Variants in CECR2 observed in about 807,000 individuals in gnomAD.
CECR2 encodes the protein CECR2 histone acetyl-lysine reader.
Under a neutral mutation model 154.5 loss-of-function variants are expected in CECR2, and 30 were observed. The ratio of observed to expected loss-of-function variants is 0.19; its 90% CI spans 0.15 to 0.26. CECR2 has a LOEUF of 0.26. CECR2 is among the 10% of genes least tolerant of loss of function. The probability of loss-of-function intolerance (pLI) is 1.00; values close to 1 mark genes in which losing one functional copy is unlikely to be tolerated. For missense variants in CECR2, 1,743 were observed against 1,829.3 expected (o/e 0.95, Z 0.86); for synonymous variants, 725 against 683.7 (o/e 1.06, Z -0.94).
chr22:17,504,046 C>CTATATAAA (rs1555920635), intron 6 of CECR2, among the ~76,000 whole-genome samples: 1 of 136,520 alleles, frequency 7.3e-6, no homozygotes, highest in Non-Finnish European at 1.6e-5. Flanking sequence ...GACTCTGCCT[C>CTATATAAA]TAAATAAATA....
chr22:17,443,602 C>G (rs942283163), intron 1 of CECR2, among the ~76,000 whole-genome samples: 3 of 152,188 alleles, frequency 2.0e-5, no homozygotes, highest in Admixed American at 6.5e-5. Flanking sequence ...TTAGCAGCTT[C>G]AGTTGTCTGA....
intron 16 of CECR2, 128 bp downstream of exon 16, chr22:17,543,131 T>G: frequency 8.7e-7 from 1 of 1,150,618 alleles, no homozygotes; most frequent in South Asian, 1.7e-5. Context: ...TGGTTTTGTT[T>G]TGTTCTGTTT....
At chr22:17,452,077 A>G (rs951795818) in intron 1 of CECR2, among the ~76,000 whole-genome samples, 1 of 151,954 alleles carries the variant, frequency 6.6e-6, no homozygotes, top group African/African-American at 2.4e-5. Context: ...TGTTATTTTT[A>G]TTTATTTATT....
intron 1 of CECR2, among the ~76,000 whole-genome samples, chr22:17,467,155 T>TCTTTTAAGCTTTTAAG: frequency 6.6e-6 from 1 of 152,340 alleles, no homozygotes; most frequent in East Asian, 1.9e-4. Context: ...AGTGTGATAA[T>TCTTTTAAGCTTTTAAG]CTTTTAAGCT....
intron 1 of CECR2, among the ~76,000 whole-genome samples, chr22:17,413,779 C>T (rs969512974): frequency 1.3e-5 from 2 of 151,308 alleles, no homozygotes; most frequent in Admixed American, 6.6e-5. Context: ...CATGTTCACG[C>T]CATTCTCCTG....
Position 17,481,081 on chromosome 22 carries a change from C to T in CECR2, c.221+3399C>T, listed in dbSNP as rs566894048. On this transcript the variant is annotated intron_variant, in intron 2 of 18. Coordinates refer to ENST00000262608, the MANE Select transcript of CECR2 (RefSeq NM_001290047.2). ...AAAAAAGGCCGGGCACGGTGCCTCA[C>T]GCCTGTAATCCCAGCACTTTGGGAG... 1.1e-4 allele frequency among the ~76,000 whole-genome samples: 14 copies of T among 127,182 alleles called. No homozygotes were observed. In the South Asian group the frequency reaches 1.7e-3, roughly 16 times the overall value. 83.4% of individuals were successfully genotyped at this position (127,182 alleles called of 152,430 possible). A position where few individuals can be genotyped will look rare whatever the true frequency, so the allele number is the denominator to read the frequency against.
rs2056553613 is a variant in CECR2, at chr22:17,542,926, C to T, written c.2783C>T (p.Ser928Leu). The T allele has an allele frequency of 1.2e-6, 2 of 1,613,962 alleles. No homozygotes were observed. The highest frequency in any genetic ancestry group is 1.7e-6 in the Non-Finnish European group (2 of 1,179,862). ...QVAHPMSVTV[S>L]APKPALGNPG... The stretch of plus-strand genomic sequence containing the variant: ...GCTCACCCAATGTCAGTCACTGTGT[C>T]AGCCCCCAAGCCTGCCCTGGGCAAC... Residue 928 changes from serine (S) to leucine (L), a missense_variant, in exon 16 of 19, where the codon TCA becomes TTA. Transcript: ENST00000262608.
In CECR2 at chr22:17,549,491, G is replaced by A; in HGVS notation, c.4204G>A (p.Ala1402Thr). ...CQEEGLGHFQ[A>T]VMMEQIGTRS... The stretch of plus-strand genomic sequence containing the variant: ...GGAAGAAGGCCTGGGTCACTTTCAA[G>A]CTGTGATGATGGAACAAATTGGCAC... Residue 1402 changes from alanine (A) to threonine (T), a missense_variant, in exon 17 of 19, where the codon GCT becomes ACT. By Grantham distance (58) the Ala-to-Thr change is moderately conservative. Around this residue, in one of 4 missense-constraint regions of CECR2, gnomAD observed 1,250 missense variants for 1,192.1 expected, o/e 1.05. Coordinates refer to ENST00000262608, the MANE Select transcript of CECR2 (RefSeq NM_001290047.2). The A allele has an allele frequency of 1.2e-6, 2 of 1,609,408 alleles. No individual in the cohort carries two copies. The highest frequency in any genetic ancestry group is 1.7e-6 in the Non-Finnish European group (2 of 1,177,800).
At position 17,462,542 on chromosome 22, in the gene CECR2, T is replaced by C. The variant is rs903300331; in HGVS notation, c.127-15046T>C. 2.9e-3 allele frequency among the ~76,000 whole-genome samples: 441 copies of C among 152,240 alleles called. 4 individuals are homozygous for C. Among genetic ancestry groups the C allele is most frequent in the Non-Finnish European group, 3.5e-3 (237 of 68,002 alleles). ...TGTCAGAATTGAATTTAAGCAAATT[T>C]AATTGGGCAGAGGTTTAGTCTGTAT... On this transcript the variant is annotated intron_variant, in intron 1 of 18. Coordinates refer to ENST00000262608, the MANE Select transcript of CECR2 (RefSeq NM_001290047.2).
intron 13 of CECR2, among the ~76,000 whole-genome samples, 184 bp from the exon 14 acceptor site, chr22:17,540,228 G>A (rs1176946121): frequency 1.3e-5 from 2 of 150,954 alleles, no homozygotes; most frequent in African/African-American, 4.8e-5. Flanking sequence ...TGCATCCATA[G>A]CTCTACAATA....
At chr22:17,505,249 A>G (rs182335913) in intron 7 of CECR2, among the ~76,000 whole-genome samples, 43 of 152,012 alleles carry the variant, frequency 2.8e-4, no homozygotes, top group African/African-American at 9.7e-4. Flanking sequence ...CCACCCACCA[A>G]TAGTGACGGT....
In CECR2 at chr22:17,555,665, C is replaced by G. The variant is rs2056764880; in HGVS notation, c.*2825C>G. 1 of 152,202 alleles carries G rather than the reference C, an allele frequency of 6.6e-6. No homozygotes were observed. The highest frequency in any genetic ancestry group is 2.1e-4 in the South Asian group (1 of 4,830). 9.4% of individuals were successfully genotyped at this position (152,202 alleles called of 1,614,324 possible). A position where few individuals can be genotyped will look rare whatever the true frequency, so the allele number is the denominator to read the frequency against. ...CAGATGCAAATGCATTTGCCATCTTCTCCATTAGGAAAATGATGGTTATGT... is the reference window on the plus strand; with the variant it reads ...CAGATGCAAATGCATTTGCCATCTTGTCCATTAGGAAAATGATGGTTATGT... On this transcript the variant is annotated 3_prime_UTR_variant, in exon 19 of 19. Transcript: ENST00000262608.
chr22:17,499,572 AT>A, intron 4 of CECR2, 23 bp downstream of exon 4: 1 of 1,580,762 alleles, frequency 6.3e-7, no homozygotes, highest in Non-Finnish European at 8.6e-7. Context: ...GTGTTAGGGC[AT>A]GATAGCTACT....
chr22:17,374,525 A>G (rs1569038948), intron 1 of CECR2, among the ~76,000 whole-genome samples: 1 of 152,162 alleles, frequency 6.6e-6, no homozygotes, highest in Non-Finnish European at 1.5e-5. Flanking sequence ...TGCTCTCATC[A>G]CATTCTGGAA....
Position 17,511,885 on chromosome 22 carries a change from G to A in CECR2, c.943G>A (p.Val315Ile), listed in dbSNP as rs777993980. The A allele has an allele frequency of 5.1e-5, 82 of 1,611,202 alleles. No individual in the cohort carries two copies. The highest frequency in any genetic ancestry group is 1.2e-4 in the African/African-American group (9 of 74,902). The stretch of plus-strand genomic sequence containing the variant: ...GTCTGACCACCTGTCCATCAAACCC[G>A]TCAAGCAAGAGGTGAGTGTGGGTGA... ...WMSDHLSIKPVKQEETPVLTR... is the reference protein window; with the variant it reads ...WMSDHLSIKPIKQEETPVLTR... Residue 315 changes from valine to isoleucine, a missense_variant, in exon 8 of 19, where the codon GTC (valine) becomes ATC (isoleucine). By Grantham distance (29) the Val-to-Ile change is conservative. Transcript: ENST00000262608.
chr22:17,533,043 C>T (rs2056382643), intron 9 of CECR2, among the ~76,000 whole-genome samples: 1 of 151,850 alleles, frequency 6.6e-6, no homozygotes, highest in Non-Finnish European at 1.5e-5. Flanking sequence ...CCCGGCCAGG[C>T]GCGGTGGCTC....
intron 1 of CECR2, among the ~76,000 whole-genome samples, chr22:17,406,265 A>G (rs1261267358): frequency 1.3e-5 from 2 of 152,244 alleles, no homozygotes; most frequent in Non-Finnish European, 1.5e-5. Context: ...TCACGCCTGT[A>G]ATCCCAGCAC....
At chr22:17,452,159 A>T (rs5746400) in intron 1 of CECR2, among the ~76,000 whole-genome samples, 2 of 151,888 alleles carry the variant, frequency 1.3e-5, no homozygotes, top group Non-Finnish European at 1.5e-5. Context: ...TGCAACCTCC[A>T]CCTCCTGGGT....
rs1429014280 is a variant in CECR2 at position 17,556,128 on chromosome 22, T to C, written c.*3288T>C. 2 of 147,352 alleles carry C rather than the reference T, an allele frequency of 1.4e-5. No individual in the cohort carries two copies. The highest frequency in any genetic ancestry group is 4.9e-5 in the African/African-American group (2 of 40,504). The allele number at this position is 147,352 out of a possible 1,614,324, so 9.1% of individuals were successfully genotyped here. Reference sequence around the variant, plus strand: ...CCTGTAGGATTCTTGTTGACGTAACTTTCCATCCCACCTCTCCGCCTCTCC... The same window carrying C: ...CCTGTAGGATTCTTGTTGACGTAACCTTCCATCCCACCTCTCCGCCTCTCC... On this transcript the variant is annotated 3_prime_UTR_variant, in exon 19 of 19. Coordinates refer to ENST00000262608, the MANE Select transcript of CECR2 (RefSeq NM_001290047.2).
Sources: allele counts gnomAD v4.1 joint callset (sites outside exome capture counted in the v4.1 genomes callset), GRCh38; gene constraint gnomAD v4.1.1; regional missense constraint gnomAD v4.1.1; transcripts MANE v1.5; gene names NCBI Gene and HGNC (gene_info 2026-07-23, HGNC 2026-07-21).